The following LARP1B variants were observed in gnomAD, a reference collection of about 807,000 sequenced individuals.
The protein encoded by LARP1B is La ribonucleoprotein 1B.
Under a neutral mutation model 114.2 loss-of-function variants are expected in LARP1B, and 76 were observed. That is an observed-to-expected ratio of 0.67 (90% CI 0.55 to 0.81). The LOEUF (loss-of-function observed/expected upper bound fraction) is 0.81. Ranked by LOEUF, LARP1B falls within the 30% of genes least tolerant of loss-of-function variation. The pLI is 0.00. For missense variants in LARP1B, 1,014 were observed against 1,075.8 expected, an observed-to-expected ratio of 0.94 and a Z score of 0.80; for synonymous variants, 345 against 348.0, an observed-to-expected ratio of 0.99 and a Z score of 0.10.
intron 3 of LARP1B, among the ~76,000 whole-genome samples, chr4:128,076,929 T>G (rs1052568753): frequency 6.6e-6 from 1 of 152,106 alleles, no homozygotes; most frequent in African/African-American, 2.4e-5. Flanking sequence ...GGTTTCGTCA[T>G]GTGCCCAGGC....
intron 15 of LARP1B, among the ~76,000 whole-genome samples, chr4:128,196,617 C>T (rs901533965): frequency 1.1e-4 from 17 of 150,822 alleles, no homozygotes; most frequent in African/African-American, 3.4e-4. Context: ...TTTTCGGACA[C>T]GGAGTCTCAC....
intron 15 of LARP1B, among the ~76,000 whole-genome samples, chr4:128,191,546 TGGGGGTGGCAAAGG>T (rs1164243902): frequency 6.6e-6 from 1 of 152,044 alleles, no homozygotes; most frequent in Non-Finnish European, 1.5e-5. Flanking sequence ...TGTCAGATGG[TGGGGGTGGCAAAGG>T]GGATTACCCC....
chr4:128,112,635 G>A (rs1048038855), intron 9 of LARP1B, among the ~76,000 whole-genome samples: 4 of 151,244 alleles, frequency 2.6e-5, no homozygotes, highest in East Asian at 1.9e-4. Context: ...CACCACGCCC[G>A]GCTAGTTTTT....
chr4:128,209,839 C>G lies in LARP1B; in HGVS notation c.2548-17C>G, dbSNP rs2150966562. 6.2e-7 allele frequency: 1 copy of G among 1,602,848 alleles called. No individual in the cohort carries two copies. Among genetic ancestry groups the G allele is most frequent in the Non-Finnish European group, 8.5e-7 (1 of 1,170,564 alleles). ...AACAGTAAAATTGTCAACGGTGTTG[C>G]CTTTCATCATTTGCAGCCCCCTATT... On this transcript the variant is annotated splice_polypyrimidine_tract_variant and intron_variant, in intron 19 of 19. Coordinates refer to ENST00000326639, the MANE Select transcript of LARP1B (RefSeq NM_018078.4).
At chr4:128,155,666 G>C (rs1009191633) in intron 11 of LARP1B, 52 of 1,586,400 alleles carry the variant, frequency 3.3e-5, no homozygotes, top group Non-Finnish European at 4.4e-5. Context: ...CCAGTGGTGT[G>C]TCCAAGGCCT....
At chr4:128,157,501 C>A (rs969462960) in intron 11 of LARP1B, among the ~76,000 whole-genome samples, 1 of 152,028 alleles carries the variant, frequency 6.6e-6, no homozygotes, top group Non-Finnish European at 1.5e-5. Context: ...AGATTCTAGT[C>A]CTAAAAACTT....
At position 128,122,133 on chromosome 4, in the gene LARP1B, A is replaced by G. The variant is rs139863454; in HGVS notation, c.1469A>G (p.Tyr490Cys). The G allele has an allele frequency of 4.3e-6, 7 of 1,613,956 alleles. No individual in the cohort carries two copies. In the African/African-American group the frequency reaches 5.3e-5, roughly 12 times the overall value. Residue 490 changes from tyrosine (Y) to cysteine (C), a missense_variant, in exon 11 of 20, where the codon TAT becomes TGT. By Grantham distance (194) the Tyr-to-Cys change is radical. Transcript: ENST00000326639. ...AAAGTTATCAATGATGGCTTATACT[A>G]TTATGAACAGGATCTATGGATGGAA... ...LAKVINDGLY[Y>C]YEQDLWMEED...
chr4:128,087,845 G>C lies in LARP1B; in HGVS notation c.359-3156G>C, dbSNP rs189609387. ...AGTGCACAATGATCATACATGTGTG[G>C]GGGGGAGCATATATATATATATGCA... On this transcript the variant is annotated intron_variant, in intron 5 of 19. Transcript: ENST00000326639. Among the ~76,000 whole-genome samples the C allele has an allele frequency of 1.2e-4, 18 of 151,836 alleles. No individual in the cohort carries two copies. In the East Asian group the frequency reaches 3.5e-3, roughly 29 times the overall value.
At chr4:128,063,736 G>A (rs1345029558) in intron 1 of LARP1B, among the ~76,000 whole-genome samples, 1 of 151,752 alleles carries the variant, frequency 6.6e-6, no homozygotes, top group African/African-American at 2.4e-5. Context: ...CCGAGATCGC[G>A]CCACTGCACT....
At chr4:128,172,271 A>G (rs1452765243) in intron 12 of LARP1B, among the ~76,000 whole-genome samples, 2 of 151,540 alleles carry the variant, frequency 1.3e-5, no homozygotes, top group Non-Finnish European at 2.9e-5. Context: ...CTTAATTACG[A>G]TTGCTTTGGT....
intron 10 of LARP1B, among the ~76,000 whole-genome samples, chr4:128,116,355 A>G (rs543148617): frequency 1.7e-4 from 26 of 152,216 alleles, no homozygotes; most frequent in Non-Finnish European, 2.4e-4. Context: ...GGGGGAAACC[A>G]GGATATATGA....
chr4:128,107,348 A>C (rs771848523), intron 9 of LARP1B, 35 bp downstream of exon 9: 2 of 1,610,422 alleles, frequency 1.2e-6, no homozygotes, highest in Admixed American at 3.4e-5. Context: ...ACGATGTAAC[A>C]GTGGGTTATT....
chr4:128,163,317 T>A (rs1184261166), intron 12 of LARP1B, among the ~76,000 whole-genome samples: 4 of 152,162 alleles, frequency 2.6e-5, no homozygotes, highest in Non-Finnish European at 5.9e-5. Flanking sequence ...TATCTATAAC[T>A]GTTAGTTCAG....
intron 11 of LARP1B, chr4:128,156,312 TG>T: frequency 1.4e-6 from 1 of 696,100 alleles, no homozygotes; most frequent in Non-Finnish European, 2.5e-6. Flanking sequence ...CTCCAGCAGC[TG>T]CTTCTCCATC....
At position 128,073,585 on chromosome 4, in the gene LARP1B, T is replaced by TG. The variant is rs1561056685; in HGVS notation, c.-77-875_-77-874insG. 8.5e-4 allele frequency among the ~76,000 whole-genome samples: 23 copies of TG among 26,988 alleles called. 1 individual carries two copies. The highest frequency in any genetic ancestry group is 1.6e-3 in the African/African-American group (12 of 7,702). The allele number at this position is 26,988 out of a possible 152,430, so 17.7% of individuals were successfully genotyped here. On this transcript the variant is annotated intron_variant, in intron 1 of 19. Transcript: ENST00000326639. ...TATATTGTTGTCGTTTTTTTTTTTT[T>TG]TTTTTTTTTTTTTTTTTTTTTTTTG... is the stretch of plus-strand genomic sequence containing the variant.
rs1238127757 is a variant in LARP1B at position 128,098,804 on chromosome 4, G to A, written c.813+474G>A. Among the ~76,000 whole-genome samples, 8 of 91,426 alleles carry A rather than the reference G, an allele frequency of 8.8e-5. No homozygotes were observed. The East Asian group carries it at 1.0e-3, about 11-fold the overall frequency. 60.0% of individuals were successfully genotyped at this position (91,426 alleles called of 152,430 possible). ...TTTTTTTTTTTTTTTTTAAGACAGT[G>A]TCTCACTCTGTTGCCCAGGCTGGAG... On this transcript the variant is annotated intron_variant, in intron 8 of 19. Coordinates refer to ENST00000326639, the MANE Select transcript of LARP1B (RefSeq NM_018078.4).
intron 11 of LARP1B, among the ~76,000 whole-genome samples, chr4:128,145,271 T>C (rs1030202176): frequency 2.0e-5 from 3 of 152,196 alleles, no homozygotes; most frequent in African/African-American, 7.2e-5. Flanking sequence ...GTAGGTCTTA[T>C]TCTCTAGACT....
At chr4:128,073,941 G>GT (rs948022872) in intron 1 of LARP1B, among the ~76,000 whole-genome samples, 25 of 149,172 alleles carry the variant, frequency 1.7e-4, no homozygotes, top group Middle Eastern at 3.5e-3. Context: ...AATACGCTGT[G>GT]TTTTTTTTTG....
chr4:128,110,322 T>A (rs1208379735), intron 9 of LARP1B, among the ~76,000 whole-genome samples: 1 of 152,034 alleles, frequency 6.6e-6, no homozygotes, highest in Admixed American at 6.6e-5. Context: ...TATCAGGTAA[T>A]CTAAGTCATT....
Sources: gnomAD v4.1 joint callset for allele counts (sites outside exome capture counted in the v4.1 genomes callset) on GRCh38, gnomAD v4.1.1 for gene constraint, MANE v1.5 for transcripts, NCBI Gene and HGNC (gene_info 2026-07-23, HGNC 2026-07-21) for gene names.